CNTNAP2: variants seen among roughly 807,000 people sequenced by gnomAD.
The protein encoded by CNTNAP2 is contactin associated protein 2.
In CNTNAP2, 98 loss-of-function variants were observed where a neutral mutation model predicts 155.2. The observed-to-expected ratio is 0.63, with a 90% CI of 0.54 to 0.75. The LOEUF (loss-of-function observed/expected upper bound fraction) is 0.75, where lower values mean the gene tolerates loss of function less well. Ranked by LOEUF, CNTNAP2 falls within the 30% of genes least tolerant of loss-of-function variation. CNTNAP2 has a pLI of 0.00. For synonymous variants in CNTNAP2, 651 were observed against 631.2 expected (o/e 1.03, Z -0.47); for missense variants, 1,727 against 1,688.1 (o/e 1.02, Z -0.40).
intron 1 of CNTNAP2, among the ~76,000 whole-genome samples, chr7:146,721,643 C>T (rs1351790969): frequency 8.7e-6 from 1 of 114,886 alleles, no homozygotes; most frequent in Non-Finnish European, 1.6e-5. Flanking sequence ...TATATATATT[C>T]TATATATATT....
At chr7:148,157,775 A>G (rs1805432469) in intron 17 of CNTNAP2, among the ~76,000 whole-genome samples, 1 of 152,246 alleles carries the variant, frequency 6.6e-6, no homozygotes, top group East Asian at 1.9e-4. Flanking sequence ...TCTCTCTGGG[A>G]TAGAAATAGG....
chr7:147,273,979 A>G (rs1268240047), intron 8 of CNTNAP2, among the ~76,000 whole-genome samples: 1 of 148,032 alleles, frequency 6.8e-6, no homozygotes. Flanking sequence ...TATTACATGT[A>G]TGTTATGTAG....
intron 10 of CNTNAP2, among the ~76,000 whole-genome samples, chr7:147,415,342 C>T (rs67680914): frequency 6.6e-6 from 1 of 152,196 alleles, no homozygotes; most frequent in Non-Finnish European, 1.5e-5. Flanking sequence ...TGTGTCCCTA[C>T]CCAAATCTCA....
intron 13 of CNTNAP2, among the ~76,000 whole-genome samples, chr7:147,685,673 A>G (rs1796007967): frequency 6.6e-6 from 1 of 152,070 alleles, no homozygotes; most frequent in Non-Finnish European, 1.5e-5. Context: ...ACAGAAACGT[A>G]TACATACACG....
chr7:146,785,438 T>A (rs993606332), intron 2 of CNTNAP2, among the ~76,000 whole-genome samples: 1 of 152,218 alleles, frequency 6.6e-6, no homozygotes, highest in Non-Finnish European at 1.5e-5. Context: ...CAGGTTTGAC[T>A]CTCAGAGAAT....
chr7:148,394,520 G>A (rs1364184539), intron 22 of CNTNAP2, among the ~76,000 whole-genome samples: 1 of 152,060 alleles, frequency 6.6e-6, no homozygotes, highest in East Asian at 1.9e-4. Context: ...GTGGATTTGA[G>A]AATTTTAATC....
intron 15 of CNTNAP2, among the ~76,000 whole-genome samples, chr7:148,059,403 C>T (rs549447477): frequency 6.6e-6 from 1 of 152,044 alleles, no homozygotes; most frequent in African/African-American, 2.4e-5. Flanking sequence ...ACCAGCCTGA[C>T]CAACATGGTG....
At chr7:146,775,847 T>A (rs1802381280) in intron 2 of CNTNAP2, among the ~76,000 whole-genome samples, 1 of 152,032 alleles carries the variant, frequency 6.6e-6, no homozygotes, top group Admixed American at 6.6e-5. Flanking sequence ...GTAAAAAGAC[T>A]TGGTGAAAGA....
chr7:147,784,483 G>T (rs1797704118), intron 13 of CNTNAP2, among the ~76,000 whole-genome samples: 2 of 84,168 alleles, frequency 2.4e-5, no homozygotes, highest in Non-Finnish European at 5.1e-5. Flanking sequence ...TAATATTCTG[G>T]GCTCTGGACT....
chr7:146,880,778 A>AACTT (rs1259320174), intron 3 of CNTNAP2, among the ~76,000 whole-genome samples: 1 of 152,172 alleles, frequency 6.6e-6, no homozygotes, highest in African/African-American at 2.4e-5. Context: ...TGGAAACTCA[A>AACTT]ACTTACAGAG....
intron 4 of CNTNAP2, among the ~76,000 whole-genome samples, chr7:147,078,246 C>G (rs1023207838): frequency 6.6e-6 from 1 of 152,174 alleles, no homozygotes; most frequent in African/African-American, 2.4e-5. Context: ...TCTGCGAAAT[C>G]ACTGGCCGTT....
At chr7:148,313,263 A>G (rs983362919) in intron 21 of CNTNAP2, among the ~76,000 whole-genome samples, 2 of 148,764 alleles carry the variant, frequency 1.3e-5, no homozygotes, top group African/African-American at 2.5e-5. Context: ...TTACCAGAAG[A>G]TCGGCATCCG....
intron 13 of CNTNAP2, among the ~76,000 whole-genome samples, chr7:147,796,353 TTTAA>T (rs1176199927): frequency 6.6e-6 from 1 of 152,196 alleles, no homozygotes. Context: ...CAGTGGCACC[TTTAA>T]TTATTAATGA....
chr7:146,311,174 A>T (rs914600884), intron 1 of CNTNAP2, among the ~76,000 whole-genome samples: 4 of 152,218 alleles, frequency 2.6e-5, no homozygotes, highest in African/African-American at 9.6e-5. Context: ...TTTGTGCTCC[A>T]ATAAATGTGA....
intron 17 of CNTNAP2, 73 bp downstream of exon 17, chr7:148,147,782 A>G: frequency 6.7e-7 from 1 of 1,490,622 alleles, no homozygotes; most frequent in East Asian, 2.3e-5. Flanking sequence ...AAAAAAAAAA[A>G]AAATCAGCCT....
intron 13 of CNTNAP2, among the ~76,000 whole-genome samples, chr7:147,658,387 G>A (rs985950504): frequency 3.3e-5 from 5 of 152,146 alleles, no homozygotes; most frequent in African/African-American, 7.2e-5. Flanking sequence ...CACAGTCTGT[G>A]AGACTGAAAT....
intron 2 of CNTNAP2, among the ~76,000 whole-genome samples, chr7:146,805,747 T>C (rs180708056): frequency 1.3e-5 from 2 of 152,228 alleles, no homozygotes; most frequent in African/African-American, 4.8e-5. Flanking sequence ...AGTTTGCTCC[T>C]TCTGAAAAAA....
chr7:147,955,056 G>A (rs991772389), intron 14 of CNTNAP2, among the ~76,000 whole-genome samples: 2 of 152,152 alleles, frequency 1.3e-5, no homozygotes, highest in African/African-American at 4.8e-5. Flanking sequence ...CCCACCACAA[G>A]TGAAACAGCA....
At chr7:148,379,927 C>A (rs893637135) in intron 21 of CNTNAP2, among the ~76,000 whole-genome samples, 1 of 152,160 alleles carries the variant, frequency 6.6e-6, no homozygotes, top group Non-Finnish European at 1.5e-5. Flanking sequence ...GAACAAGGAG[C>A]GGGAAAGCAT....
Sources: allele counts gnomAD v4.1 joint callset (sites outside exome capture counted in the v4.1 genomes callset), GRCh38; gene constraint gnomAD v4.1.1; transcripts MANE v1.5; gene names NCBI Gene and HGNC (gene_info 2026-07-23, HGNC 2026-07-21).